Variants in RESF1 observed in about 807,000 individuals in gnomAD.
The protein encoded by RESF1 is gonad expressed transcript.
Under a neutral mutation model 134.7 loss-of-function variants are expected in RESF1, and 65 were observed. The observed-to-expected ratio is 0.48, with a 90% CI of 0.40 to 0.59. RESF1 has a LOEUF of 0.59. Ranked by LOEUF, RESF1 falls within the 20% of genes least tolerant of loss-of-function variation. The pLI, the probability that RESF1 is intolerant of heterozygous loss-of-function variation, is 0.00. For missense variants in RESF1, 2,274 were observed against 2,002.7 expected, an observed-to-expected ratio of 1.14 and a Z score of -2.59; for synonymous variants, 762 against 702.2, an observed-to-expected ratio of 1.09 and a Z score of -1.35.
chr12:31,980,132 A>T (rs148562076), intron 3 of RESF1, among the ~76,000 whole-genome samples: 13 of 133,866 alleles, frequency 9.7e-5, no homozygotes, highest in Non-Finnish European at 1.6e-4. Context: ...TTTTTTTGAA[A>T]CAGAGTCTTC....
chr12:31,970,722 A>G (rs543691660), intron 3 of RESF1, among the ~76,000 whole-genome samples: 6 of 152,330 alleles, frequency 3.9e-5, no homozygotes, highest in Admixed American at 2.0e-4. Context: ...GTGCTGCTTT[A>G]TTTGTAAATC....
Position 31,985,780 on chromosome 12 carries a change from A to AG in RESF1, c.4825_4826insG (p.Lys1609ArgfsTer3). 1.3e-6 allele frequency: 2 copies of AG among 1,570,788 alleles called. No individual in the cohort carries two copies. The highest frequency in any genetic ancestry group is 1.7e-6 in the Non-Finnish European group (2 of 1,165,866). ...AGAAAGTTCACCCAGGAAGCTTCAT[A>AG]AAGATAAGAGACAGGAAAATAAACA... On this transcript the variant is annotated frameshift_variant, in exon 4 of 6. Coordinates refer to ENST00000312561, the MANE Select transcript of RESF1 (RefSeq NM_018169.4). LOFTEE classifies it high-confidence loss of function.
At chr12:31,962,675 T>A (rs1223249812) in intron 2 of RESF1, 1 of 152,182 alleles carries the variant, frequency 6.6e-6, no homozygotes, top group Admixed American at 6.5e-5. Context: ...GTAAATAAGG[T>A]GATTAAAATG....
Position 31,960,269 on chromosome 12 carries a change from G to A in RESF1, c.-341-508G>A, listed in dbSNP as rs183065215. Among the ~76,000 whole-genome samples the A allele has an allele frequency of 2.2e-3, 334 of 152,102 alleles. 11 individuals carry two copies. The South Asian group carries it at 0.066, about 30-fold the overall frequency. Reference sequence around the variant, plus strand: ...GAAAACAATTTATTTGTAGTACATCGAGTGCATACTGTCTTAACATAAGGA... The same window carrying A: ...GAAAACAATTTATTTGTAGTACATCAAGTGCATACTGTCTTAACATAAGGA... On this transcript the variant is annotated intron_variant, in intron 1 of 5. Coordinates refer to ENST00000312561, the MANE Select transcript of RESF1 (RefSeq NM_018169.4).
chr12:31,987,096 G>A, intron 4 of RESF1, 143 bp from the exon 5 acceptor site: 2 of 569,294 alleles, frequency 3.5e-6, no homozygotes, highest in African/African-American at 3.9e-5. Flanking sequence ...CATTTTTCCA[G>A]TCCTTTTTTT....
intron 5 of RESF1, among the ~76,000 whole-genome samples, chr12:31,990,010 A>AGGC (rs1310652352): frequency 6.6e-6 from 1 of 152,202 alleles, no homozygotes; most frequent in Non-Finnish European, 1.5e-5. Flanking sequence ...TCGGGTTGGA[A>AGGC]GGCAGAAAGC....
rs768468670 is a variant in RESF1, at chr12:31,981,340, C to T, written c.385C>T (p.His129Tyr). The T allele has an allele frequency of 1.2e-6, 2 of 1,614,032 alleles. No homozygotes were observed. Among genetic ancestry groups the T allele is most frequent in the Non-Finnish European group, 1.7e-6 (2 of 1,179,970 alleles). The change falls in exon 4 of 6, where the codon CAT becomes TAT. Residue 129 changes from histidine (H) to tyrosine (Y), a missense_variant. Transcript: ENST00000312561. The stretch of plus-strand genomic sequence containing the variant: ...GAACTCACCAATGAGGAATCCTGTG[C>T]ATTCTCATATAGGGGCAACTGTATC... ...WLNSPMRNPV[H>Y]SHIGATVSHQ...
At chr12:31,961,172 G>T (rs1456980634) in intron 2 of RESF1, among the ~76,000 whole-genome samples, 1 of 152,212 alleles carries the variant, frequency 6.6e-6, no homozygotes, top group Non-Finnish European at 1.5e-5. Context: ...GTGTTTATTT[G>T]ATTGTTTTTA....
At chr12:31,963,309 C>T (rs1939324555) in intron 2 of RESF1, among the ~76,000 whole-genome samples, 1 of 151,072 alleles carries the variant, frequency 6.6e-6, no homozygotes, top group Admixed American at 6.6e-5. Flanking sequence ...CACACCACTG[C>T]ACTCCAGCCT....
Position 31,983,003 on chromosome 12 carries a change from A to G in RESF1, c.2048A>G (p.Gln683Arg), listed in dbSNP as rs776078429. The change falls in exon 4 of 6, where the codon CAA becomes CGA. Residue 683 changes from glutamine to arginine, a missense_variant. Physicochemically the swap from Gln to Arg is conservative, Grantham distance 43 (BLOSUM62 1). Coordinates refer to ENST00000312561, the MANE Select transcript of RESF1 (RefSeq NM_018169.4). Reference sequence around the variant, plus strand: ...ACCTGTCTTTCCCTGTGGAAAAAGCAACCTTCAGATACTGCAAAAGAAAAG... The same window carrying G: ...ACCTGTCTTTCCCTGTGGAAAAAGCGACCTTCAGATACTGCAAAAGAAAAG... ...LATCLSLWKK[Q>R]PSDTAKEKEC... 10 of 1,614,164 alleles carry G rather than the reference A, an allele frequency of 6.2e-6. No individual in the cohort carries two copies. In the South Asian group the frequency reaches 8.8e-5, roughly 14 times the overall value.
In RESF1 at chr12:31,962,967, C is replaced by T. The variant is rs1446012124; in HGVS notation, c.-247+2096C>T. On this transcript the variant is annotated intron_variant, in intron 2 of 5. Transcript: ENST00000312561. ...ACAAAAAATTAGCCAGGCGTGGTGG[C>T]ACATGCCTGAAATCCCGGCTATCCG... Among the ~76,000 whole-genome samples the T allele has an allele frequency of 3.3e-5, 5 of 152,158 alleles. No homozygotes were observed. The East Asian group carries it at 9.7e-4, about 29-fold the overall frequency.
chr12:31,960,315 A>G (rs985026760), intron 1 of RESF1, among the ~76,000 whole-genome samples: 2 of 151,994 alleles, frequency 1.3e-5, no homozygotes, highest in Admixed American at 1.3e-4. Flanking sequence ...CTTGAGGCGC[A>G]TTTTCATTTA....
Position 31,983,521 on chromosome 12 carries a change from CAAGG to C in RESF1, c.2569_2572del (p.Gly857SerfsTer5). ...TTCAGAAGTCACACCTAATGTCAAT[CAAGG>C]AAAGCATAACAAATTAGAGTCAGCT... On this transcript the variant is annotated frameshift_variant, in exon 4 of 6. Transcript: ENST00000312561. LOFTEE classifies it high-confidence loss of function. The C allele has an allele frequency of 6.2e-7, 1 of 1,614,052 alleles. No homozygotes were observed. Among genetic ancestry groups the C allele is most frequent in the Non-Finnish European group, 8.5e-7 (1 of 1,179,996 alleles).
At chr12:31,977,801 C>CTTTTTTTTT (rs3075963) in intron 3 of RESF1, among the ~76,000 whole-genome samples, 25 of 124,358 alleles carry the variant, frequency 2.0e-4, no homozygotes, top group East Asian at 7.8e-4. Flanking sequence ...TTCTTTCTTT[C>CTTTTTTTTT]TTTTTTTTTT....
At chr12:31,976,305 T>C (rs6488021) in intron 3 of RESF1, among the ~76,000 whole-genome samples, 151,785 of 152,362 alleles carry the variant, frequency 1, 75,606 homozygotes, top group Middle Eastern at 1. Flanking sequence ...AAAACTTGAT[T>C]AACAATAGCA....
At chr12:31,967,711 C>G (rs1053059209) in intron 2 of RESF1, among the ~76,000 whole-genome samples, 2 of 142,342 alleles carry the variant, frequency 1.4e-5, no homozygotes, top group Admixed American at 1.5e-4. Context: ...TGTTAATGCT[C>G]ATGATCACGT....
rs1338780451 is a variant in RESF1 at position 31,985,793 on chromosome 12, A to G, written c.4838A>G (p.Gln1613Arg). 2 of 1,566,682 alleles carry G rather than the reference A, an allele frequency of 1.3e-6. No individual in the cohort carries two copies. The highest frequency in any genetic ancestry group is 2.2e-5 in the Admixed American group (1 of 45,954). The change falls in exon 4 of 6, where the codon CAG (glutamine) becomes CGG (arginine). Residue 1613 changes from glutamine to arginine, a missense_variant. By Grantham distance (43) the Gln-to-Arg change is conservative. Transcript: ENST00000312561. ...SPRKLHKDKR[Q>R]ENKHKTFLPV... ...AGGAAGCTTCATAAAGATAAGAGAC[A>G]GGAAAATAAACATAAGACCTTTTTA... is the stretch of plus-strand genomic sequence containing the variant.
chr12:31,970,767 CA>C (rs1206594248), intron 3 of RESF1, among the ~76,000 whole-genome samples: 1 of 152,226 alleles, frequency 6.6e-6, no homozygotes, highest in African/African-American at 2.4e-5. Flanking sequence ...TGCACTTAGA[CA>C]TTTTAGCCTA....
At chr12:31,971,252 C>G (rs1939499785) in intron 3 of RESF1, among the ~76,000 whole-genome samples, 2 of 152,194 alleles carry the variant, frequency 1.3e-5, no homozygotes. Flanking sequence ...AAGTGATTCT[C>G]CTGCCTCATC....
Sources: gnomAD v4.1 joint callset for allele counts (sites outside exome capture counted in the v4.1 genomes callset) on GRCh38, gnomAD v4.1.1 for gene constraint, MANE v1.5 for transcripts, NCBI Gene and HGNC (gene_info 2026-07-23, HGNC 2026-07-21) for gene names.